The following TSPAN16 variants were observed in gnomAD, a reference collection of about 807,000 sequenced individuals.
TSPAN16 encodes the protein tetraspanin 16, also known as tetraspanin-16.
Under a neutral mutation model 25.2 loss-of-function variants are expected in TSPAN16, and 23 were observed. The ratio of observed to expected loss-of-function variants is 0.91; its 90% confidence interval spans 0.66 to 1.29. TSPAN16 has a LOEUF of 1.29. Among genes scored for constraint, TSPAN16 ranks in the 50% most tolerant of loss-of-function variants. The pLI, the probability that TSPAN16 is intolerant of heterozygous loss-of-function variation, is 0.00. For missense variants in TSPAN16, 272 were observed against 299.9 expected (o/e 0.91, Z 0.69); for synonymous variants, 123 against 124.4 (o/e 0.99, Z 0.08).
intron 6 of TSPAN16, chr19:11,325,283 A>C: frequency 1.5e-6 from 1 of 667,526 alleles, no homozygotes; most frequent in South Asian, 1.9e-5. Context: ...GTCGGGGAGC[A>C]GTTGACAGGA....
At chr19:11,298,992 A>G in intron 3 of TSPAN16, 46 bp downstream of exon 3, 1 of 1,597,602 alleles carries the variant, frequency 6.3e-7, no homozygotes. Flanking sequence ...AAAGATAAAG[A>G]ACCAAGGACG....
chr19:11,316,118 GTTT>G (rs1297073841), downstream of TSPAN16: 7 of 106,038 alleles, frequency 6.6e-5, no homozygotes, highest in Admixed American at 1.5e-4. Flanking sequence ...TGTGTGTGTG[GTTT>G]TTTTTTTTTT....
At chr19:11,326,853 C>T (rs112381962) in exon 7 of TSPAN16, 9,517 of 642,936 alleles carry the variant, frequency 0.015, 544 homozygotes, top group African/African-American at 0.14. Flanking sequence ...AAAGCGATCC[C>T]CCCGCCTAGG....
chr19:11,325,337 C>A (rs894150307), intron 6 of TSPAN16: 1 of 1,149,530 alleles, frequency 8.7e-7, no homozygotes, highest in South Asian at 1.4e-5. Context: ...CTGTGGCTCA[C>A]GCCTCGATCA....
downstream of TSPAN16, among the ~76,000 whole-genome samples, chr19:11,320,421 C>G (rs2080771348): frequency 6.6e-6 from 1 of 152,122 alleles, no homozygotes; most frequent in Admixed American, 6.6e-5. Flanking sequence ...CACACCTGGC[C>G]AATCCTAGCA....
Position 11,296,455 on chromosome 19 carries a change from T to C in TSPAN16, c.69+89T>C. 1.1e-5 allele frequency: 16 copies of C among 1,397,496 alleles called. No homozygotes were observed. In the South Asian group the frequency reaches 1.5e-4, roughly 13 times the overall value. 86.6% of individuals were successfully genotyped at this position (1,397,496 alleles called of 1,614,324 possible). A position where few individuals can be genotyped will look rare whatever the true frequency, so the allele number is the denominator to read the frequency against. ...AAAGACAGAAATAAGTTGATCCAAATTGGCATCGAGATCTGTGGTTCCCTG... is the reference window on the plus strand; with the variant it reads ...AAAGACAGAAATAAGTTGATCCAAACTGGCATCGAGATCTGTGGTTCCCTG... On this transcript the variant is annotated intron_variant, in intron 1 of 6. Transcript: ENST00000590327.
At chr19:11,302,453 C>T (rs1465294127) in intron 4 of TSPAN16, among the ~76,000 whole-genome samples, 6 of 138,056 alleles carry the variant, frequency 4.3e-5, no homozygotes, top group African/African-American at 1.1e-4. Flanking sequence ...CGCTTGAATC[C>T]GGGAGGCAGA....
Position 11,306,679 on chromosome 19 carries a change from C to T in TSPAN16, c.526C>T (p.Pro176Ser), listed in dbSNP as rs150403974. 4 of 1,613,998 alleles carry T rather than the reference C, an allele frequency of 2.5e-6. No individual in the cohort carries two copies. In the East Asian group the frequency reaches 8.9e-5, roughly 36 times the overall value. ...CGAAATGACAACGGGCCACACCTAC[C>T]CCAGGAGTTGCTGTAAATCCATCGG... ...SFEMTTGHTY[P>S]RSCCKSIGSV... The change falls in exon 5 of 7, where the codon CCC becomes TCC. Residue 176 changes from proline (P) to serine (S), a missense_variant. Coordinates refer to ENST00000590327, the MANE Select transcript of TSPAN16 (RefSeq NM_001282509.2).
chr19:11,326,297 T>A (rs1229995582), intron 6 of TSPAN16, among the ~76,000 whole-genome samples: 8 of 150,650 alleles, frequency 5.3e-5, no homozygotes, highest in Admixed American at 5.3e-4. Context: ...AGGAGAATGG[T>A]TTGAGCCCAG....
intron 4 of TSPAN16, among the ~76,000 whole-genome samples, chr19:11,302,676 TATAC>T (rs1477893178): frequency 3.5e-4 from 45 of 128,370 alleles, no homozygotes; most frequent in South Asian, 8.8e-4. Flanking sequence ...TATATATATA[TATAC>T]ACACACACAC....
intron 4 of TSPAN16, among the ~76,000 whole-genome samples, chr19:11,302,809 C>T (rs1006957470): frequency 6.6e-6 from 1 of 151,440 alleles, no homozygotes; most frequent in East Asian, 1.9e-4. Flanking sequence ...ACCTCTGCCT[C>T]CCAGGCTGAA....
At chr19:11,311,479 G>A (rs1428964041) in intron 5 of TSPAN16, among the ~76,000 whole-genome samples, 1 of 152,004 alleles carries the variant, frequency 6.6e-6, no homozygotes, top group Non-Finnish European at 1.5e-5. Flanking sequence ...CCCCTGGGCT[G>A]GAGTGCAGTG....
At chr19:11,310,309 T>C (rs1327733464) in intron 5 of TSPAN16, among the ~76,000 whole-genome samples, 1 of 151,722 alleles carries the variant, frequency 6.6e-6, no homozygotes, top group African/African-American at 2.4e-5. Flanking sequence ...GTGGATCACC[T>C]GAGGTCAGGA....
At chr19:11,322,417 T>C (rs1052269883) in intron 6 of TSPAN16, 2 of 151,816 alleles carry the variant, frequency 1.3e-5, no homozygotes, top group African/African-American at 4.8e-5. Context: ...AAACTGCCCA[T>C]GTAAAATAAA....
At chr19:11,312,052 A>G in intron 5 of TSPAN16, 87 bp from the exon 6 acceptor site, 1 of 935,068 alleles carries the variant, frequency 1.1e-6, no homozygotes, top group Non-Finnish European at 1.7e-6. Flanking sequence ...GAGTCGTCTG[A>G]GTGGCCTAAT....
intron 1 of TSPAN16, among the ~76,000 whole-genome samples, chr19:11,296,916 T>C (rs765810154): frequency 1.1e-4 from 16 of 152,118 alleles, no homozygotes; most frequent in Non-Finnish European, 1.9e-4. Context: ...GGCACGTGCC[T>C]ATAATCCCAG....
intron 5 of TSPAN16, among the ~76,000 whole-genome samples, chr19:11,309,701 G>A (rs554554746): frequency 3.3e-4 from 51 of 152,254 alleles, no homozygotes; most frequent in African/African-American, 7.0e-4. Context: ...TATGCTTGCC[G>A]TTAGCTGTTC....
intron 1 of TSPAN16, among the ~76,000 whole-genome samples, 161 bp downstream of exon 1, chr19:11,296,527 G>A (rs542314181): frequency 1.3e-5 from 2 of 152,288 alleles, no homozygotes; most frequent in South Asian, 4.1e-4. Context: ...GGAGCAGGGA[G>A]CGTGGGGACC....
At position 11,298,930 on chromosome 19, in the gene TSPAN16, T is replaced by C. The variant is rs753257822; in HGVS notation, c.326T>C (p.Leu109Pro). Residue 109 changes from leucine to proline, a missense_variant, in exon 3 of 7, where the codon CTT (leucine) becomes CCT (proline). Physicochemically the swap from Leu to Pro is moderately conservative, Grantham distance 98. Coordinates refer to ENST00000590327, the MANE Select transcript of TSPAN16 (RefSeq NM_001282509.2). ...IMEVTAATVV[L>P]LFFPIVGDVA... is the part of the protein sequence containing the mutation. ...GAAGTTACAGCTGCCACAGTGGTCC[T>C]TCTTTTCTTTCCAATTGTAAGTACA... The C allele has an allele frequency of 5.1e-5, 83 of 1,613,930 alleles. No individual in the cohort carries two copies. The highest frequency in any genetic ancestry group is 6.3e-5 in the Non-Finnish European group (74 of 1,179,938).
Sources: allele counts gnomAD v4.1 joint callset (sites outside exome capture counted in the v4.1 genomes callset), GRCh38; gene constraint gnomAD v4.1.1; transcripts MANE v1.5; gene names NCBI Gene and HGNC (gene_info 2026-07-23, HGNC 2026-07-21).